The following CLINT1 variants were observed in gnomAD, a reference collection of about 807,000 sequenced individuals.
CLINT1 encodes the protein clathrin interactor 1, also known as clathrin interacting protein localized in the trans-Golgi region.
CLINT1 carries 15 observed loss-of-function variants against 70.4 expected under a neutral mutation model. That is an observed-to-expected ratio of 0.21 (90% CI 0.14 to 0.33). The LOEUF (loss-of-function observed/expected upper bound fraction) is 0.33, where lower values mean the gene tolerates loss of function less well. Ranked by LOEUF, CLINT1 falls within the 10% of genes least tolerant of loss-of-function variation. The pLI, the probability that CLINT1 is intolerant of heterozygous loss-of-function variation, is 1.00. For missense variants in CLINT1, 615 were observed against 778.1 expected (o/e 0.79, Z 2.49); for synonymous variants, 227 against 254.7 (o/e 0.89, Z 1.04).
chr5:157,839,510 C>A (rs529397973), intron 1 of CLINT1, among the ~76,000 whole-genome samples: 1 of 151,314 alleles, frequency 6.6e-6, no homozygotes, highest in Admixed American at 6.6e-5. Flanking sequence ...GAGGCTGAGG[C>A]AGAATGGCTT....
chr5:157,835,254 CGT>C (rs1290564607), intron 1 of CLINT1, among the ~76,000 whole-genome samples: 1 of 152,050 alleles, frequency 6.6e-6, no homozygotes, highest in Non-Finnish European at 1.5e-5. Flanking sequence ...GAAAAAAATG[CGT>C]GTGAGATAAG....
chr5:157,815,914 T>C (rs541962114), intron 3 of CLINT1, among the ~76,000 whole-genome samples: 70 of 152,322 alleles, frequency 4.6e-4, no homozygotes, highest in African/African-American at 1.6e-3. Context: ...ACCACTGACA[T>C]ATAAGCAGAC....
intron 5 of CLINT1, among the ~76,000 whole-genome samples, chr5:157,810,617 G>A (rs1248213025): frequency 1.3e-5 from 2 of 152,068 alleles, no homozygotes; most frequent in Non-Finnish European, 2.9e-5. Flanking sequence ...TTGCCCCTAG[G>A]GACCCAAAGG....
intron 1 of CLINT1, among the ~76,000 whole-genome samples, chr5:157,851,452 G>A (rs1255082172): frequency 2.0e-5 from 3 of 152,052 alleles, no homozygotes; most frequent in African/African-American, 7.2e-5. Context: ...ATTTTGGGAG[G>A]CCACGGTGGG....
intron 8 of CLINT1, among the ~76,000 whole-genome samples, chr5:157,798,335 T>C (rs926162454): frequency 6.6e-6 from 1 of 152,214 alleles, no homozygotes; most frequent in Non-Finnish European, 1.5e-5. Flanking sequence ...GATTCCCACA[T>C]GAGAACTGTC....
intron 1 of CLINT1, among the ~76,000 whole-genome samples, chr5:157,853,077 A>G (rs1411418413): frequency 6.6e-6 from 1 of 152,248 alleles, no homozygotes; most frequent in East Asian, 1.9e-4. Flanking sequence ...GCCAGAGGCA[A>G]TGGCTCATGC....
intron 1 of CLINT1, among the ~76,000 whole-genome samples, chr5:157,840,279 A>C (rs1056277342): frequency 2.7e-5 from 4 of 150,264 alleles, no homozygotes; most frequent in African/African-American, 4.9e-5. Flanking sequence ...ACTGACTTGT[A>C]GTTTCCAAAA....
At chr5:157,835,183 CAT>C (rs543237969) in intron 1 of CLINT1, among the ~76,000 whole-genome samples, 162 of 152,232 alleles carry the variant, frequency 1.1e-3, no homozygotes, top group African/African-American at 3.6e-3. Context: ...TGGCCCTGAG[CAT>C]AGTGTTCAAG....
chr5:157,818,554 T>C (rs1363344956), intron 1 of CLINT1, among the ~76,000 whole-genome samples: 1 of 141,748 alleles, frequency 7.1e-6, no homozygotes, highest in East Asian at 2.1e-4. Context: ...GAGGCTGAGG[T>C]GGGAAGATTG....
Position 157,854,280 on chromosome 5 carries a change from G to C in CLINT1, c.41+4650C>G, listed in dbSNP as rs192418223. 5.9e-5 allele frequency among the ~76,000 whole-genome samples: 9 copies of C among 152,256 alleles called. No individual in the cohort carries two copies. The East Asian group carries it at 1.5e-3, about 26-fold the overall frequency. On this transcript the variant is annotated intron_variant, in intron 1 of 11. Transcript: ENST00000411809. ...CTTGAAGGCAGGTATTGTATGTTTC[G>C]AGTTCAGAAAATAGAGTACTAGACC... is the stretch of plus-strand genomic sequence containing the variant.
intron 1 of CLINT1, among the ~76,000 whole-genome samples, chr5:157,836,764 C>T (rs1190510178): frequency 1.3e-5 from 2 of 152,200 alleles, no homozygotes; most frequent in African/African-American, 4.8e-5. Context: ...CTTCACTCTA[C>T]TTTTCAGTCT....
chr5:157,798,795 T>C (rs574752274), intron 8 of CLINT1, among the ~76,000 whole-genome samples: 71 of 152,190 alleles, frequency 4.7e-4, no homozygotes, highest in African/African-American at 1.6e-3. Flanking sequence ...AAAGGTGCTA[T>C]TGTACTACAA....
chr5:157,858,036 C>T (rs1753811972), intron 1 of CLINT1, among the ~76,000 whole-genome samples: 1 of 152,204 alleles, frequency 6.6e-6, no homozygotes, highest in South Asian at 2.1e-4. Context: ...TACTTAACCA[C>T]TGTTATACCT....
At chr5:157,809,951 T>C in intron 5 of CLINT1, 146 bp from the exon 6 acceptor site, 1 of 721,372 alleles carries the variant, frequency 1.4e-6, no homozygotes, top group Non-Finnish European at 2.2e-6. Flanking sequence ...ATCAACACAA[T>C]TACAGCAAGG....
chr5:157,847,076 TAG>T (rs1753407044), intron 1 of CLINT1, among the ~76,000 whole-genome samples: 1 of 152,204 alleles, frequency 6.6e-6, no homozygotes, highest in Non-Finnish European at 1.5e-5. Context: ...AGAAGTCATT[TAG>T]ACTTTCAAGT....
At chr5:157,798,259 A>ATT (rs1762120530) in intron 8 of CLINT1, among the ~76,000 whole-genome samples, 1 of 152,246 alleles carries the variant, frequency 6.6e-6, no homozygotes, top group Admixed American at 6.5e-5. Flanking sequence ...ATATAAATAA[A>ATT]AGAGTCTACC....
At chr5:157,835,664 A>G (rs1340657112) in intron 1 of CLINT1, among the ~76,000 whole-genome samples, 3 of 152,192 alleles carry the variant, frequency 2.0e-5, no homozygotes, top group African/African-American at 7.2e-5. Flanking sequence ...GGAAAGGAAG[A>G]AAGGGGAGCT....
At chr5:157,812,378 G>T (rs1350951371) in intron 5 of CLINT1, among the ~76,000 whole-genome samples, 1 of 152,134 alleles carries the variant, frequency 6.6e-6, no homozygotes, top group Non-Finnish European at 1.5e-5. Flanking sequence ...AGTCCAAAGG[G>T]ACATGCCGTG....
intron 1 of CLINT1, among the ~76,000 whole-genome samples, chr5:157,843,830 C>A (rs1203711747): frequency 6.6e-6 from 1 of 152,184 alleles, no homozygotes; most frequent in Non-Finnish European, 1.5e-5. Context: ...ACATCCTGCA[C>A]TGGCACAATA....
Sources: gnomAD v4.1 joint callset for allele counts (sites outside exome capture counted in the v4.1 genomes callset) on GRCh38, gnomAD v4.1.1 for gene constraint, MANE v1.5 for transcripts, NCBI Gene and HGNC (gene_info 2026-07-23, HGNC 2026-07-21) for gene names.